CFAP47: variants seen among roughly 807,000 people sequenced by gnomAD.
The protein encoded by CFAP47 is cilia and flagella associated protein 47.
A neutral mutation model predicts 148.1 loss-of-function variants in CFAP47; 29 were observed. The observed-to-expected ratio is 0.20, with a 90% CI of 0.15 to 0.27. CFAP47 has a LOEUF of 0.27. CFAP47 is among the 10% of genes least tolerant of loss of function. The probability of loss-of-function intolerance (pLI) is 1.00; values close to 1 mark genes in which losing one functional copy is unlikely to be tolerated. For synonymous variants in CFAP47, 664 were observed against 577.3 expected (o/e 1.15, Z -2.15); for missense variants, 1,872 against 1,697.5 (o/e 1.10, Z -1.81).
At chrX:36,297,918 T>G (rs1266235039) in intron 51 of CFAP47, among the ~76,000 whole-genome samples, 1 of 110,749 alleles carries the variant, frequency 9.0e-6, no homozygotes, top group Non-Finnish European at 1.9e-5. Flanking sequence ...AGAAAGGCTG[T>G]CGGGGAGAGG....
At position 36,384,819 on chromosome X, in the gene CFAP47, A is replaced by G; in HGVS notation, c.9377A>G (p.Tyr3126Cys). 8.6e-7 allele frequency: 1 copy of G among 1,165,358 alleles called. No individual in the cohort carries two copies. The highest frequency in any genetic ancestry group is 1.1e-6 in the Non-Finnish European group (1 of 870,932). The change falls in exon 64 of 64, where the codon TAT becomes TGT. Residue 3126 changes from tyrosine (Y) to cysteine (C), a missense_variant. Physicochemically the swap from Tyr to Cys is radical, Grantham distance 194. Coordinates refer to ENST00000378653, the MANE Select transcript of CFAP47 (RefSeq NM_001304548.2). ...VIQTEEMYWK[Y>C]EINGLTPTTV... ...CAGACAGAAGAAATGTACTGGAAGT[A>G]TGAGATCAATGGATTAACTCCAACT... is the stretch of plus-strand genomic sequence containing the variant.
intron 8 of CFAP47, among the ~76,000 whole-genome samples, chrX:35,960,238 C>A (rs1936306148): frequency 9.3e-6 from 1 of 107,180 alleles, no homozygotes; most frequent in Admixed American, 1.0e-4. Context: ...CTGCGCCCGG[C>A]CTGTAATTAC....
intron 39 of CFAP47, among the ~76,000 whole-genome samples, chrX:36,173,287 G>A (rs1312235423): frequency 3.6e-5 from 4 of 111,358 alleles, no homozygotes; most frequent in Non-Finnish European, 7.5e-5. Flanking sequence ...GGTTTCTTTT[G>A]TCTCTATTTC....
intron 8 of CFAP47, among the ~76,000 whole-genome samples, chrX:35,957,891 A>T (rs1310695445): frequency 8.9e-6 from 1 of 112,105 alleles, no homozygotes; most frequent in African/African-American, 3.2e-5. Context: ...AACTTTATTG[A>T]TATGTAATTC....
chrX:36,300,763 T>C (rs1941291115), intron 52 of CFAP47, among the ~76,000 whole-genome samples: 1 of 112,316 alleles, frequency 8.9e-6, no homozygotes, highest in Non-Finnish European at 1.9e-5. Flanking sequence ...AGCAGGGCTT[T>C]TACTGTTCCA....
At chrX:36,106,045 C>T (rs1446383161) in intron 33 of CFAP47, among the ~76,000 whole-genome samples, 1 of 111,994 alleles carries the variant, frequency 8.9e-6, no homozygotes, top group Non-Finnish European at 1.9e-5. Context: ...CTTCATGGTT[C>T]CCTTTCTCAT....
intron 62 of CFAP47, among the ~76,000 whole-genome samples, chrX:36,368,423 G>A (rs897582760): frequency 1.8e-5 from 2 of 111,042 alleles, no homozygotes; most frequent in East Asian, 5.7e-4. Flanking sequence ...AGATTGGAGA[G>A]GCTTTAAGGA....
At chrX:36,243,645 GTGTATA>G (rs1471244653) in intron 48 of CFAP47, among the ~76,000 whole-genome samples, 6 of 38,587 alleles carry the variant, frequency 1.6e-4, no homozygotes, top group Non-Finnish European at 7.7e-5. Context: ...TTATATGTGT[GTGTATA>G]TATATATATA....
rs199674921 is a variant in CFAP47 at position 36,371,671 on chromosome X, CAT to C, written c.9185+4545_9185+4546del. 2.2e-4 allele frequency among the ~76,000 whole-genome samples: 15 copies of C among 69,234 alleles called. 1 individual carries two copies. In the East Asian group the frequency reaches 2.9e-3, roughly 14 times the overall value. The allele number at this position is 69,234 out of a possible 115,157, so 60.1% of individuals were successfully genotyped here. ...GTGTATATATGTGTGTATATACACA[CAT>C]GTGTATATATGTGTGTATATACACA... is the stretch of plus-strand genomic sequence containing the variant. On this transcript the variant is annotated intron_variant, in intron 62 of 63. Transcript: ENST00000378653.
At chrX:35,974,475 C>G (rs1419481202) in intron 13 of CFAP47, among the ~76,000 whole-genome samples, 5 of 110,864 alleles carry the variant, frequency 4.5e-5, no homozygotes, top group Non-Finnish European at 9.4e-5. Context: ...CTGATTCTCT[C>G]TCTAGGGGGG....
At chrX:36,109,182 A>G (rs1252503618) in intron 33 of CFAP47, among the ~76,000 whole-genome samples, 1 of 111,913 alleles carries the variant, frequency 8.9e-6, no homozygotes, top group East Asian at 2.8e-4. Context: ...TGTTTTGTTT[A>G]TGCAGTCTAC....
At chrX:36,127,620 A>G (rs1361251276) in intron 33 of CFAP47, among the ~76,000 whole-genome samples, 3 of 111,383 alleles carry the variant, frequency 2.7e-5, no homozygotes, top group African/African-American at 9.8e-5. Flanking sequence ...GTTGTTTCCA[A>G]TTCTGTGAAG....
Position 36,039,194 on chromosome X carries a change from T to C in CFAP47, c.4007+15T>C. ...AACTATTTCAGGTAAATACTCAATG[T>C]GAATTTACCACATTTTCTTTATGTG... On this transcript the variant is annotated intron_variant, in intron 25 of 63. Coordinates refer to ENST00000378653, the MANE Select transcript of CFAP47 (RefSeq NM_001304548.2). 1.1e-6 allele frequency: 1 copy of C among 890,526 alleles called. No individual in the cohort carries two copies. The highest frequency in any genetic ancestry group is 1.5e-6 in the Non-Finnish European group (1 of 664,332). The allele number at this position is 890,526 out of a possible 1,213,427, so 73.4% of individuals were successfully genotyped here.
intron 30 of CFAP47, among the ~76,000 whole-genome samples, chrX:36,091,825 T>C (rs776719490): frequency 4.8e-4 from 54 of 111,344 alleles, no homozygotes; most frequent in African/African-American, 1.7e-3. Context: ...AAGCCTCCAT[T>C]TTCCTTTTTC....
At position 36,223,675 on chromosome X, in the gene CFAP47, T is replaced by C. The variant is rs1449732587; in HGVS notation, c.6818-4953T>C. ...ATTCTATGAAGCCCCAAAATTCTTCTGAAGTGCTTTGGCTTATCTATAGTG... is the reference window on the plus strand; with the variant it reads ...ATTCTATGAAGCCCCAAAATTCTTCCGAAGTGCTTTGGCTTATCTATAGTG... On this transcript the variant is annotated intron_variant, in intron 45 of 63. Coordinates refer to ENST00000378653, the MANE Select transcript of CFAP47 (RefSeq NM_001304548.2). Among the ~76,000 whole-genome samples the C allele has an allele frequency of 4.5e-5, 5 of 111,650 alleles. No individual in the cohort carries two copies. The South Asian group carries it at 1.5e-3, about 33-fold the overall frequency.
intron 13 of CFAP47, among the ~76,000 whole-genome samples, chrX:35,973,379 C>T (rs1037588259): frequency 7.3e-5 from 8 of 110,316 alleles, no homozygotes; most frequent in Non-Finnish European, 1.1e-4. Context: ...TTAGTAGAGA[C>T]GGGGTTTCAC....
intron 57 of CFAP47, among the ~76,000 whole-genome samples, chrX:36,345,636 G>A (rs1344268473): frequency 1.5e-4 from 17 of 111,286 alleles, no homozygotes; most frequent in African/African-American, 5.6e-4. Context: ...TCTTTCAAGG[G>A]GACTTTGGGC....
In CFAP47 at chrX:36,115,351, A is replaced by G. The variant is rs76734781; in HGVS notation, c.5320+10660A>G. Among the ~76,000 whole-genome samples the G allele has an allele frequency of 5.2e-4, 58 of 112,087 alleles. No homozygotes were observed. In the East Asian group the frequency reaches 0.016, roughly 31 times the overall value. ...TGGTTCTATGGTAAGCTCTTTACTC[A>G]TATTATTTATCACAACACTTGGAAC... On this transcript the variant is annotated intron_variant, in intron 33 of 63. Coordinates refer to ENST00000378653, the MANE Select transcript of CFAP47 (RefSeq NM_001304548.2).
At chrX:36,287,510 G>A (rs1323006860) in intron 51 of CFAP47, among the ~76,000 whole-genome samples, 1 of 111,318 alleles carries the variant, frequency 9.0e-6, no homozygotes, top group Non-Finnish European at 1.9e-5. Flanking sequence ...GGTCTACTTA[G>A]ATTAAAACGC....
Sources: allele counts gnomAD v4.1 joint callset (sites outside exome capture counted in the v4.1 genomes callset), GRCh38; gene constraint gnomAD v4.1.1; transcripts MANE v1.5; gene names NCBI Gene and HGNC (gene_info 2026-07-23, HGNC 2026-07-21).